The following AKAP19 variants were observed in gnomAD, a reference collection of about 807,000 sequenced individuals.
AKAP19 encodes A-kinase anchoring protein 19, also known as small A-kinase anchoring protein.
the AKAP19 span, among the ~76,000 whole-genome samples, chr2:189,978,476 C>T: frequency 6.6e-6 from 1 of 152,178 alleles, no homozygotes; most frequent in African/African-American, 2.4e-5. Context: ...CAAAAACTAA[C>T]TGGGCATGGT....
the AKAP19 span, among the ~76,000 whole-genome samples, chr2:190,175,146 T>G: frequency 1.4e-4 from 22 of 152,312 alleles, no homozygotes; most frequent in African/African-American, 5.3e-4. Flanking sequence ...TCTACCTCTT[T>G]GGGGATTGTT....
At chr2:189,962,408 A>G in the AKAP19 span, among the ~76,000 whole-genome samples, 1 of 152,230 alleles carries the variant, frequency 6.6e-6, no homozygotes, top group South Asian at 2.1e-4. Context: ...CTATATATGA[A>G]TATGTTACTG....
At chr2:189,996,219 C>G in the AKAP19 span, among the ~76,000 whole-genome samples, 1 of 152,216 alleles carries the variant, frequency 6.6e-6, no homozygotes, top group Non-Finnish European at 1.5e-5. Flanking sequence ...TCTTCTTCCT[C>G]AGGAGCACTA....
the AKAP19 span, among the ~76,000 whole-genome samples, chr2:189,974,728 T>C: frequency 6.6e-6 from 1 of 152,238 alleles, no homozygotes; most frequent in South Asian, 2.1e-4. Flanking sequence ...TCTTTACCAT[T>C]ATGTAATGGT....
chr2:190,120,924 G>A, the AKAP19 span, among the ~76,000 whole-genome samples: 6 of 152,132 alleles, frequency 3.9e-5, no homozygotes, highest in Non-Finnish European at 8.8e-5. Context: ...CACCAACTAT[G>A]AGATCTGACA....
At chr2:190,045,325 A>G in the AKAP19 span, among the ~76,000 whole-genome samples, 19 of 152,152 alleles carry the variant, frequency 1.2e-4, 1 homozygote, top group Admixed American at 1.2e-3. Context: ...TGGATCAGCT[A>G]AGTCACCCAA....
chr2:189,918,859 A>G, the AKAP19 span, among the ~76,000 whole-genome samples: 1 of 152,222 alleles, frequency 6.6e-6, no homozygotes, highest in Non-Finnish European at 1.5e-5. Context: ...TATAGTGTGG[A>G]TAAACCTGAA....
chr2:190,169,414 G>C, the AKAP19 span, among the ~76,000 whole-genome samples: 1 of 152,194 alleles, frequency 6.6e-6, no homozygotes, highest in Admixed American at 6.5e-5. Flanking sequence ...CTGAATGTGA[G>C]GGACTATCTC....
the AKAP19 span, among the ~76,000 whole-genome samples, chr2:190,101,387 G>A: frequency 6.6e-6 from 1 of 152,170 alleles, no homozygotes; most frequent in Non-Finnish European, 1.5e-5. Context: ...GTGTGCCATT[G>A]CTGGGTACCC....
the AKAP19 span, among the ~76,000 whole-genome samples, chr2:189,940,339 G>T: frequency 2.6e-5 from 4 of 151,626 alleles, no homozygotes. Flanking sequence ...CCAGCTACTT[G>T]GGAGGCTGAG....
At chr2:189,990,776 G>T in the AKAP19 span, among the ~76,000 whole-genome samples, 1 of 152,016 alleles carries the variant, frequency 6.6e-6, no homozygotes, top group Non-Finnish European at 1.5e-5. Context: ...AAGTTCTTTA[G>T]TGGTGATTTC....
At chr2:190,172,564 G>A in the AKAP19 span, among the ~76,000 whole-genome samples, 2,062 of 152,208 alleles carry the variant, frequency 0.014, 26 homozygotes, top group Middle Eastern at 0.027. Context: ...AATGGATACT[G>A]CTCATGACAA....
chr2:189,903,962 A>T, the AKAP19 span, among the ~76,000 whole-genome samples: 8 of 152,204 alleles, frequency 5.3e-5, no homozygotes, highest in South Asian at 1.7e-3. Context: ...GTTACTGCTG[A>T]TTATGTGTAT....
the AKAP19 span, among the ~76,000 whole-genome samples, chr2:190,167,419 C>A: frequency 6.6e-6 from 1 of 152,136 alleles, no homozygotes; most frequent in Non-Finnish European, 1.5e-5. Context: ...TGCCCCGGCC[C>A]CTCCAAAATC....
the AKAP19 span, among the ~76,000 whole-genome samples, chr2:189,966,990 A>G: frequency 2.4e-4 from 36 of 152,334 alleles, no homozygotes; most frequent in African/African-American, 7.5e-4. Flanking sequence ...ATTAAATTGC[A>G]ATTTCCCTTT....
chr2:190,105,367 T>C, the AKAP19 span, among the ~76,000 whole-genome samples: 3 of 152,206 alleles, frequency 2.0e-5, no homozygotes, highest in Admixed American at 2.0e-4. Flanking sequence ...GGCTGATTGA[T>C]TTATTGAATC....
the AKAP19 span, among the ~76,000 whole-genome samples, chr2:189,891,643 C>G: frequency 6.6e-6 from 1 of 152,090 alleles, no homozygotes; most frequent in Admixed American, 6.5e-5. Flanking sequence ...AACCCGACCT[C>G]TCTCTGTGGC....
At chr2:190,004,469 C>T in the AKAP19 span, among the ~76,000 whole-genome samples, 1 of 105,634 alleles carries the variant, frequency 9.5e-6, no homozygotes, top group Non-Finnish European at 2.4e-5. Context: ...GATATCTCTA[C>T]CTTATCACCT....
At chr2:189,939,059 C>T in the AKAP19 span, among the ~76,000 whole-genome samples, 8 of 152,198 alleles carry the variant, frequency 5.3e-5, no homozygotes, top group Non-Finnish European at 1.2e-4. Flanking sequence ...GTCCCTGCTT[C>T]AACCCACAGG....
Sources: gnomAD v4.1 joint callset for allele counts (sites outside exome capture counted in the v4.1 genomes callset) on GRCh38, gnomAD v4.1.1 for gene constraint, MANE v1.5 for transcripts, NCBI Gene and HGNC (gene_info 2026-07-23, HGNC 2026-07-21) for gene names.